DCLK1: variants seen among roughly 807,000 people sequenced by gnomAD.
DCLK1 encodes doublecortin like kinase 1.
A neutral mutation model predicts 86.2 loss-of-function variants in DCLK1; 16 were observed. That is an observed-to-expected ratio of 0.19 (90% CI 0.13 to 0.28). The LOEUF is 0.28. DCLK1 is among the 10% of genes least tolerant of loss of function. The pLI, the probability that DCLK1 is intolerant of heterozygous loss-of-function variation, is 1.00. For synonymous variants in DCLK1, 369 were observed against 370.5 expected, an observed-to-expected ratio of 1.00 and a Z score of 0.05; for missense variants, 590 against 940.2, an observed-to-expected ratio of 0.63 and a Z score of 4.87.
Position 36,121,475 on chromosome 13 carries a change from C to T in DCLK1, c.376+4287G>A, listed in dbSNP as rs150454339. Among the ~76,000 whole-genome samples, 87 of 152,270 alleles carry T rather than the reference C, an allele frequency of 5.7e-4. No individual in the cohort carries two copies. The Middle Eastern group carries it at 0.017, about 30-fold the overall frequency. ...TCTTCCATCTCTATCACAAGAAGGGCAAGTACAGTACAAAAGGATGTTTTG... is the reference window on the plus strand; with the variant it reads ...TCTTCCATCTCTATCACAAGAAGGGTAAGTACAGTACAAAAGGATGTTTTG... On this transcript the variant is annotated intron_variant, in intron 2 of 16. Transcript: ENST00000360631.
At position 36,016,834 on chromosome 13, in the gene DCLK1, A is replaced by G. The variant is rs577734980; in HGVS notation, c.724-69377T>C. 2.0e-5 allele frequency among the ~76,000 whole-genome samples: 3 copies of G among 152,376 alleles called. No homozygotes were observed. The South Asian group carries it at 6.2e-4, about 32-fold the overall frequency. On this transcript the variant is annotated intron_variant, in intron 3 of 16. Transcript: ENST00000360631. ...TTAACATGCAATCAGTATAAAAATT[A>G]TTGAAATATTTTATATTATTTTATG...
intron 3 of DCLK1, among the ~76,000 whole-genome samples, chr13:36,085,460 A>G (rs899278974): frequency 6.6e-6 from 1 of 152,168 alleles, no homozygotes; most frequent in African/African-American, 2.4e-5. Context: ...AGAGATAAAA[A>G]TTACTAACCT....
chr13:35,898,300 C>A (rs1399918430), intron 4 of DCLK1, among the ~76,000 whole-genome samples: 3 of 152,142 alleles, frequency 2.0e-5, no homozygotes, highest in African/African-American at 7.2e-5. Context: ...GTGTCCTAGC[C>A]CAGTCTTCCC....
intron 3 of DCLK1, among the ~76,000 whole-genome samples, chr13:35,958,231 C>CAT (rs1878217569): frequency 6.6e-6 from 1 of 151,746 alleles, no homozygotes; most frequent in Non-Finnish European, 1.5e-5. Context: ...ACCACTATAA[C>CAT]CACCATCATC....
chr13:35,919,299 A>G (rs1875640437), intron 4 of DCLK1, among the ~76,000 whole-genome samples: 1 of 152,082 alleles, frequency 6.6e-6, no homozygotes, highest in Non-Finnish European at 1.5e-5. Context: ...ACAAATATCT[A>G]TTCCTTTGCC....
At chr13:35,999,052 C>T (rs972694424) in intron 3 of DCLK1, among the ~76,000 whole-genome samples, 3 of 152,066 alleles carry the variant, frequency 2.0e-5, no homozygotes, top group Non-Finnish European at 2.9e-5. Context: ...GTCAGGAGTT[C>T]GAGACCAGCC....
chr13:36,047,972 C>A (rs1882982682), intron 3 of DCLK1, among the ~76,000 whole-genome samples: 1 of 152,064 alleles, frequency 6.6e-6, no homozygotes, highest in South Asian at 2.1e-4. Flanking sequence ...AAACCCCAAA[C>A]CAATATATCG....
rs17053407 is a variant in DCLK1 at position 36,070,135 on chromosome 13, G to A, written c.723+41734C>T. 7.8e-3 allele frequency among the ~76,000 whole-genome samples: 1,182 copies of A among 152,062 alleles called. 17 individuals carry two copies. The highest frequency in any genetic ancestry group is 0.027 in the African/African-American group (1,102 of 41,486). On this transcript the variant is annotated intron_variant, in intron 3 of 16. Coordinates refer to ENST00000360631, the MANE Select transcript of DCLK1 (RefSeq NM_001330071.2). ...ACATTTGTTGCATAATGCCTGAAAA[G>A]TTGAAAAAAAATATGGTTTTTTAAA...
At chr13:35,813,065 A>G (rs2087183242) in intron 11 of DCLK1, among the ~76,000 whole-genome samples, 1 of 152,230 alleles carries the variant, frequency 6.6e-6, no homozygotes, top group South Asian at 2.1e-4. Flanking sequence ...ATGACAAGCA[A>G]ATGTTTTTCA....
In DCLK1 at chr13:35,850,794, G is replaced by A. The variant is rs1372390998; in HGVS notation, c.1035+3705C>T. 4 of 1,568,770 alleles carry A rather than the reference G, an allele frequency of 2.5e-6. No individual in the cohort carries two copies. In the African/African-American group the frequency reaches 4.1e-5, roughly 16 times the overall value. ...TACAGGTCCTGCAAGATGAAGGGCA[G>A]TATAGATTTGTTTACTCGGCTTTCT... On this transcript the variant is annotated intron_variant, in intron 6 of 16. Coordinates refer to ENST00000360631, the MANE Select transcript of DCLK1 (RefSeq NM_001330071.2).
At chr13:35,805,860 T>C in intron 14 of DCLK1, 81 bp from the exon 15 acceptor site, 2 of 1,307,918 alleles carry the variant, frequency 1.5e-6, no homozygotes, top group South Asian at 2.8e-5. Flanking sequence ...AGTTCTCTTT[T>C]AGTTTCGAAA....
chr13:35,897,096 A>G (rs2153121102), intron 4 of DCLK1, among the ~76,000 whole-genome samples: 1 of 152,322 alleles, frequency 6.6e-6, no homozygotes, highest in South Asian at 2.1e-4. Context: ...GAATTAGAAC[A>G]GAAGATGAAT....
At chr13:35,920,338 G>A (rs1875724856) in intron 4 of DCLK1, among the ~76,000 whole-genome samples, 1 of 152,170 alleles carries the variant, frequency 6.6e-6, no homozygotes, top group African/African-American at 2.4e-5. Context: ...GCTGTGAAGT[G>A]TATGACAATA....
chr13:35,957,943 T>TATAACCACCATCATCATCACCACC (rs1878100029), intron 3 of DCLK1, among the ~76,000 whole-genome samples: 2 of 30,370 alleles, frequency 6.6e-5, no homozygotes, highest in Non-Finnish European at 1.5e-4. Context: ...CCACTACCAC[T>TATAACCACCATCATCATCACCACC]ACTACCACTA....
At chr13:36,075,635 A>C (rs1349802029) in intron 3 of DCLK1, among the ~76,000 whole-genome samples, 1 of 152,232 alleles carries the variant, frequency 6.6e-6, no homozygotes, top group East Asian at 1.9e-4. Context: ...TATGAGCCTC[A>C]AATTCTTGTC....
intron 4 of DCLK1, among the ~76,000 whole-genome samples, chr13:35,875,237 G>C (rs1161323686): frequency 6.6e-6 from 1 of 152,154 alleles, no homozygotes; most frequent in African/African-American, 2.4e-5. Flanking sequence ...TTTGTCCCAG[G>C]TTATGAACAT....
chr13:35,894,250 T>C (rs548056827), intron 4 of DCLK1, among the ~76,000 whole-genome samples: 96 of 152,310 alleles, frequency 6.3e-4, no homozygotes, highest in Admixed American at 1.0e-3. Context: ...TACTATTTAA[T>C]GCTAAGAGCT....
intron 2 of DCLK1, among the ~76,000 whole-genome samples, chr13:36,122,813 G>A (rs2138213439): frequency 6.6e-6 from 1 of 152,264 alleles, no homozygotes; most frequent in South Asian, 2.1e-4. Flanking sequence ...ACATACATAT[G>A]TGCATAGGTG....
chr13:35,958,165 C>T (rs1593768234), intron 3 of DCLK1, among the ~76,000 whole-genome samples: 4 of 107,430 alleles, frequency 3.7e-5, no homozygotes, highest in African/African-American at 1.5e-4. Flanking sequence ...ATAACCATCA[C>T]CACCATCACC....
Sources: allele counts gnomAD v4.1 joint callset (sites outside exome capture counted in the v4.1 genomes callset), GRCh38; gene constraint gnomAD v4.1.1; transcripts MANE v1.5; gene names NCBI Gene and HGNC (gene_info 2026-07-23, HGNC 2026-07-21).